OLFM3: variants seen among roughly 807,000 people sequenced by gnomAD.
OLFM3 encodes the protein olfactomedin 3.
Under a neutral mutation model 48.6 loss-of-function variants are expected in OLFM3, and 20 were observed. The observed-to-expected ratio is 0.41, with a 90% CI of 0.29 to 0.60. The LOEUF is 0.60. Ranked by LOEUF, OLFM3 falls within the 20% of genes least tolerant of loss-of-function variation. The probability of loss-of-function intolerance (pLI) is 0.28; values close to 1 mark genes in which losing one functional copy is unlikely to be tolerated. For synonymous variants in OLFM3, 222 were observed against 198.1 expected (o/e 1.12, Z -1.01); for missense variants, 437 against 544.3 (o/e 0.80, Z 1.96).
At chr1:101,812,183 CAT>C in intron 4 of OLFM3, among the ~76,000 whole-genome samples, 1 of 150,278 alleles carries the variant, frequency 6.7e-6, no homozygotes, top group African/African-American at 2.5e-5. Context: ...CGGGGCCTTT[CAT>C]GGGGTGGGGG....
At chr1:101,831,472 C>T (rs750714285) in intron 2 of OLFM3, among the ~76,000 whole-genome samples, 11 of 152,088 alleles carry the variant, frequency 7.2e-5, no homozygotes, top group Admixed American at 2.6e-4. Flanking sequence ...ATCCCAGGTT[C>T]GCTGAACCCT....
chr1:101,815,266 G>GA (rs1654273619), intron 4 of OLFM3, among the ~76,000 whole-genome samples: 1 of 151,918 alleles, frequency 6.6e-6, no homozygotes, highest in South Asian at 2.1e-4. Flanking sequence ...CTAACACGGT[G>GA]AAACCCCGTC....
intron 1 of OLFM3, among the ~76,000 whole-genome samples, chr1:101,991,016 A>AAAAATAT (rs1553186119): frequency 7.8e-4 from 25 of 32,204 alleles, no homozygotes; most frequent in Non-Finnish European, 8.3e-4. Context: ...AAAAAAAAAA[A>AAAAATAT]ATATATATAT....
chr1:101,920,433 T>C (rs1412118926), intron 1 of OLFM3, among the ~76,000 whole-genome samples: 10 of 152,192 alleles, frequency 6.6e-5, no homozygotes, highest in Admixed American at 2.6e-4. Flanking sequence ...GTTTCAGAAA[T>C]AGATGCTGGC....
Position 101,890,125 on chromosome 1 carries a change from T to G in OLFM3, c.70-53100A>C, listed in dbSNP as rs144184903. On this transcript the variant is annotated intron_variant, in intron 1 of 5. Coordinates refer to ENST00000370103, the MANE Select transcript of OLFM3 (RefSeq NM_058170.4). ...TGGAAAATAATAGCTTTTAATGATC[T>G]TGGAACATAATGATCTTGGAAAATG... Among the ~76,000 whole-genome samples, 292 of 152,188 alleles carry G rather than the reference T, an allele frequency of 1.9e-3. 4 individuals are homozygous for G. Among genetic ancestry groups the G allele is most frequent in the African/African-American group, 6.8e-3 (282 of 41,552 alleles).
At chr1:101,875,170 T>C (rs1260835202) in intron 1 of OLFM3, among the ~76,000 whole-genome samples, 1 of 151,956 alleles carries the variant, frequency 6.6e-6, no homozygotes, top group South Asian at 2.1e-4. Flanking sequence ...CTCCTCTAGA[T>C]TGGGAGGAAA....
intron 1 of OLFM3, among the ~76,000 whole-genome samples, chr1:101,899,443 T>C (rs964139676): frequency 3.3e-5 from 5 of 152,166 alleles, no homozygotes; most frequent in Non-Finnish European, 7.4e-5. Flanking sequence ...ATTTAAGGCA[T>C]AATTTTATCA....
At chr1:101,891,166 C>T (rs1427750618) in intron 1 of OLFM3, among the ~76,000 whole-genome samples, 1 of 151,942 alleles carries the variant, frequency 6.6e-6, no homozygotes, top group East Asian at 1.9e-4. Flanking sequence ...ATATTTCTTC[C>T]ACTCAGGTCT....
intron 1 of OLFM3, among the ~76,000 whole-genome samples, chr1:101,896,186 C>T (rs1658194435): frequency 6.6e-6 from 1 of 152,008 alleles, no homozygotes; most frequent in South Asian, 2.1e-4. Flanking sequence ...ATGGCACATG[C>T]ACCTGCTTTC....
chr1:101,975,206 T>A (rs190599484), intron 1 of OLFM3, among the ~76,000 whole-genome samples: 1 of 152,294 alleles, frequency 6.6e-6, no homozygotes, highest in East Asian at 1.9e-4. Context: ...GGTGCGGATA[T>A]TGTCAGAAAA....
chr1:101,961,225 C>T (rs1660457688), intron 1 of OLFM3, among the ~76,000 whole-genome samples: 1 of 151,988 alleles, frequency 6.6e-6, no homozygotes, highest in African/African-American at 2.4e-5. Flanking sequence ...TAGATTGTTG[C>T]ACATAAAAGC....
intron 1 of OLFM3, among the ~76,000 whole-genome samples, chr1:101,930,349 G>A (rs559762704): frequency 1.3e-5 from 2 of 152,278 alleles, no homozygotes; most frequent in East Asian, 3.9e-4. Flanking sequence ...AATACTCTGT[G>A]AGTTTTTTTG....
At chr1:101,898,664 C>A (rs914124311) in intron 1 of OLFM3, among the ~76,000 whole-genome samples, 25 of 152,192 alleles carry the variant, frequency 1.6e-4, no homozygotes, top group Non-Finnish European at 1.5e-4. Context: ...GCCTGGCCAA[C>A]ATGGTGAAAC....
intron 1 of OLFM3, among the ~76,000 whole-genome samples, chr1:101,974,894 A>C (rs191637150): frequency 6.6e-6 from 1 of 152,112 alleles, no homozygotes; most frequent in Admixed American, 6.5e-5. Flanking sequence ...AATGTGAAAC[A>C]TTTTTTTTGT....
chr1:101,993,265 G>A (rs556405770), intron 1 of OLFM3, among the ~76,000 whole-genome samples: 1 of 152,198 alleles, frequency 6.6e-6, no homozygotes, highest in South Asian at 2.1e-4. Context: ...AGGGATTACT[G>A]TTTTGTTACA....
intron 1 of OLFM3, among the ~76,000 whole-genome samples, chr1:101,866,433 T>C (rs183909257): frequency 7.0e-4 from 106 of 152,112 alleles, no homozygotes; most frequent in Non-Finnish European, 7.4e-5. Context: ...ATCCTAAAAA[T>C]ACATAATGCC....
At chr1:101,855,760 CTG>C (rs1378914129) in intron 1 of OLFM3, among the ~76,000 whole-genome samples, 2 of 151,986 alleles carry the variant, frequency 1.3e-5, no homozygotes, top group Non-Finnish European at 2.9e-5. Flanking sequence ...CTAGGGCAGA[CTG>C]AAGTGTTAAA....
At chr1:101,826,608 T>C (rs1471073450) in intron 3 of OLFM3, among the ~76,000 whole-genome samples, 1 of 152,208 alleles carries the variant, frequency 6.6e-6, no homozygotes, top group African/African-American at 2.4e-5. Flanking sequence ...GCTCTGTAAG[T>C]TCAGAATCTT....
chr1:101,905,714 T>C (rs897164389), intron 1 of OLFM3, among the ~76,000 whole-genome samples: 1 of 152,142 alleles, frequency 6.6e-6, no homozygotes, highest in Non-Finnish European at 1.5e-5. Context: ...TGGTCATTAA[T>C]GCCTGAAATC....
Sources: allele counts gnomAD v4.1 joint callset (sites outside exome capture counted in the v4.1 genomes callset), GRCh38; gene constraint gnomAD v4.1.1; transcripts MANE v1.5; gene names NCBI Gene and HGNC (gene_info 2026-07-23, HGNC 2026-07-21).